Variants in CFAP69 observed in about 807,000 individuals in gnomAD.
CFAP69 encodes cilia- and flagella-associated protein 69.
A neutral mutation model predicts 123.0 loss-of-function variants in CFAP69; 92 were observed. The ratio of observed to expected loss-of-function variants is 0.75; its 90% CI spans 0.63 to 0.89. The LOEUF is 0.89. Among genes scored for constraint, CFAP69 ranks in the 40% least tolerant of loss-of-function variants. The pLI, the probability that CFAP69 is intolerant of heterozygous loss-of-function variation, is 0.00. For synonymous variants in CFAP69, 380 were observed against 364.3 expected (o/e 1.04, Z -0.49); for missense variants, 1,067 against 1,096.9 (o/e 0.97, Z 0.39).
At chr7:90,274,221 A>C in intron 9 of CFAP69, 111 bp downstream of exon 9, 2 of 1,283,100 alleles carry the variant, frequency 1.6e-6, no homozygotes, top group African/African-American at 3.1e-5. Context: ...ATGCTAAGTT[A>C]TGCTGTAATA....
rs1001685302 is a variant in CFAP69, at chr7:90,307,790, G to A, written c.2486G>A (p.Arg829Lys). 1 of 1,609,598 alleles carries A rather than the reference G, an allele frequency of 6.2e-7. No homozygotes were observed. Among genetic ancestry groups the A allele is most frequent in the South Asian group, 1.1e-5 (1 of 90,496 alleles). ...YAKIQATHKQRELANKSWEDF... is the reference protein window; with the variant it reads ...YAKIQATHKQKELANKSWEDF... ...CAGATACAGGCCACGCACAAGCAAA[G>A]AGAGCTGGCTAATAAATCATGGGAA... Residue 829 changes from arginine to lysine, a missense_variant, in exon 21 of 23, where the codon AGA becomes AAA. Arg to Lys is a conservative substitution (Grantham distance 26). Transcript: ENST00000389297.
intron 6 of CFAP69, chr7:90,270,027 T>C (rs566214352): frequency 2.6e-5 from 4 of 152,028 alleles, no homozygotes; most frequent in Non-Finnish European, 5.9e-5. Flanking sequence ...AAAGGAGTAT[T>C]ATGGGGCAAA....
At chr7:90,273,894 T>C (rs1025073673) in intron 8 of CFAP69, 93 bp from the exon 9 acceptor site, 9 of 948,460 alleles carry the variant, frequency 9.5e-6, no homozygotes, top group Non-Finnish European at 1.4e-5. Flanking sequence ...AACCATCACA[T>C]TGGGGGTTAG....
rs751339083 is a variant in CFAP69, at chr7:90,261,934, A to G, written c.247-13A>G. 2 of 1,343,954 alleles carry G rather than the reference A, an allele frequency of 1.5e-6. No individual in the cohort carries two copies. The highest frequency in any genetic ancestry group is 4.6e-5 in the Admixed American group (2 of 43,952). 83.3% of individuals were successfully genotyped at this position (1,343,954 alleles called of 1,614,324 possible). On this transcript the variant is annotated splice_polypyrimidine_tract_variant and intron_variant, in intron 3 of 22. Coordinates refer to ENST00000389297, the MANE Select transcript of CFAP69 (RefSeq NM_001039706.3). ...TTAATCTGAATTTTATTTCTTAACT[A>G]AAAATATTAAAGCCATTAAGGGATT...
chr7:90,270,989 G>T (rs777859872), intron 6 of CFAP69, among the ~76,000 whole-genome samples: 3 of 151,992 alleles, frequency 2.0e-5, no homozygotes, highest in Non-Finnish European at 4.4e-5. Context: ...CTACGTAATT[G>T]TTGTCCCTTG....
chr7:90,320,160 G>A, the CFAP69 span, among the ~76,000 whole-genome samples: 1 of 152,076 alleles, frequency 6.6e-6, no homozygotes, highest in Admixed American at 6.6e-5. Context: ...TCAACTAAGT[G>A]GATCAAAATA....
chr7:90,277,978 C>T lies in CFAP69; in HGVS notation c.1155+644C>T, dbSNP rs958875704. Reference sequence around the variant, plus strand: ...GCTTCAGCTCTGCTCACAGGTCTATCGTGAAGTTGCTATGAAGGCTTTTTA... The same window carrying T: ...GCTTCAGCTCTGCTCACAGGTCTATTGTGAAGTTGCTATGAAGGCTTTTTA... On this transcript the variant is annotated intron_variant, in intron 11 of 22. Transcript: ENST00000389297. 1.4e-4 allele frequency among the ~76,000 whole-genome samples: 22 copies of T among 152,212 alleles called. No homozygotes were observed. In the South Asian group the frequency reaches 3.1e-3, roughly 22 times the overall value.
chr7:90,282,591 A>G (rs1056354805), intron 12 of CFAP69, among the ~76,000 whole-genome samples: 1 of 152,202 alleles, frequency 6.6e-6, no homozygotes, highest in African/African-American at 2.4e-5. Flanking sequence ...ATTAAAATTA[A>G]TAATCTAGAT....
intron 17 of CFAP69, chr7:90,303,498 T>A: frequency 1.1e-6 from 1 of 881,654 alleles, no homozygotes. Context: ...GTATTGTTTA[T>A]TTTTAAATGT....
intron 1 of CFAP69, among the ~76,000 whole-genome samples, chr7:90,247,111 T>C (rs1653155139): frequency 6.6e-6 from 1 of 152,182 alleles, no homozygotes; most frequent in Admixed American, 6.5e-5. Flanking sequence ...AGAAATAGAA[T>C]AGGAACTTTT....
chr7:90,311,772 C>T (rs528787674), downstream of CFAP69, among the ~76,000 whole-genome samples: 1 of 152,114 alleles, frequency 6.6e-6, no homozygotes, highest in Non-Finnish European at 1.5e-5. Context: ...GGCTTCTCAC[C>T]CTGGCCCAGA....
rs1793178818 is a variant in CFAP69 at position 90,303,899 on chromosome 7, C to CTATGTTATGTTATCTAGACTAA, written c.2051-70_2051-69insTATGTTATGTTATCTAGACTAA. ...TTTTATGTTATCTAGACTAAAATCTCAAAATTAAGTATTTGTTTACTATGG... is the reference window on the plus strand; with the variant it reads ...TTTTATGTTATCTAGACTAAAATCTCTATGTTATGTTATCTAGACTAAAAAATTAAGTATTTGTTTACTATGG... On this transcript the variant is annotated intron_variant, in intron 17 of 22. Coordinates refer to ENST00000389297, the MANE Select transcript of CFAP69 (RefSeq NM_001039706.3). The CTATGTTATGTTATCTAGACTAA allele has an allele frequency of 1.1e-5, 15 of 1,424,728 alleles. No homozygotes were observed. In the Admixed American group the frequency reaches 1.6e-4, roughly 16 times the overall value. The allele number at this position is 1,424,728 out of a possible 1,614,324, so 88.3% of individuals were successfully genotyped here.
At position 90,245,399 on chromosome 7, in the gene CFAP69, C is replaced by G. The variant is rs527341432; in HGVS notation, c.-26C>G. 30 of 1,526,856 alleles carry G rather than the reference C, an allele frequency of 2.0e-5. No homozygotes were observed. In the African/African-American group the frequency reaches 3.9e-4, roughly 20 times the overall value. The allele number at this position is 1,526,856 out of a possible 1,614,324, so 94.6% of individuals were successfully genotyped here. On this transcript the variant is annotated 5_prime_UTR_variant, in exon 1 of 23. Transcript: ENST00000389297. ...GCACTGTAGGACAGGAAGATCCCCCCACTCTCCACCCCGCCGCCACCGGCC... is the reference window on the plus strand; with the variant it reads ...GCACTGTAGGACAGGAAGATCCCCCGACTCTCCACCCCGCCGCCACCGGCC...
chr7:90,273,322 A>C (rs764025065), intron 8 of CFAP69, among the ~76,000 whole-genome samples: 3 of 152,240 alleles, frequency 2.0e-5, no homozygotes, highest in African/African-American at 7.2e-5. Context: ...GGACCATAAC[A>C]TGAAAGGTCT....
intron 15 of CFAP69, 104 bp from the exon 16 acceptor site, chr7:90,297,644 AT>A: frequency 1.4e-6 from 1 of 694,746 alleles, no homozygotes. Flanking sequence ...ATTTAAGAAA[AT>A]GAAGAAAACA....
the CFAP69 span, chr7:90,319,878 C>T: frequency 1.3e-5 from 5 of 396,760 alleles, no homozygotes; most frequent in Non-Finnish European, 2.2e-5. Flanking sequence ...ACTAGGTATT[C>T]ATTTTTTCTA....
rs28464377 is a variant in CFAP69 at position 90,300,215 on chromosome 7, T to C, written c.2050+156T>C. 7,280 of 1,147,490 alleles carry C rather than the reference T, an allele frequency of 6.3e-3. 42 individuals carry two copies. Among genetic ancestry groups the C allele is most frequent in the South Asian group, 0.03 (702 of 23,252 alleles). 71.1% of individuals were successfully genotyped at this position (1,147,490 alleles called of 1,614,324 possible). On this transcript the variant is annotated intron_variant, in intron 17 of 22. Transcript: ENST00000389297. ...TGAAAAATTTGCTATCCTAAGTGAC[T>C]GGAAGAAAACTAAGTAAATTAGTAG...
chr7:90,282,433 A>G (rs750129211), intron 12 of CFAP69, among the ~76,000 whole-genome samples: 5 of 152,216 alleles, frequency 3.3e-5, no homozygotes, highest in Admixed American at 2.0e-4. Context: ...GTAAAATTCA[A>G]TGTGGATGTA....
chr7:90,261,081 GA>G (rs1270566859), intron 3 of CFAP69, among the ~76,000 whole-genome samples: 6 of 135,944 alleles, frequency 4.4e-5, no homozygotes, highest in Non-Finnish European at 9.1e-5. Context: ...GTGCCAATAG[GA>G]TTTTTTTTTT....
Sources: allele counts gnomAD v4.1 joint callset (sites outside exome capture counted in the v4.1 genomes callset), GRCh38; gene constraint gnomAD v4.1.1; transcripts MANE v1.5; gene names NCBI Gene and HGNC (gene_info 2026-07-23, HGNC 2026-07-21).